KLHL12: variants seen among roughly 807,000 people sequenced by gnomAD.
KLHL12 encodes kelch like family member 12, also known as kelch-like protein 12.
Under a neutral mutation model 60.8 loss-of-function variants are expected in KLHL12, and 17 were observed. The observed-to-expected ratio is 0.28, with a 90% CI of 0.19 to 0.42. The LOEUF (loss-of-function observed/expected upper bound fraction) is 0.42, where lower values mean the gene tolerates loss of function less well. Among genes scored for constraint, KLHL12 ranks in the 10% least tolerant of loss-of-function variants. The pLI is 1.00. For synonymous variants in KLHL12, 220 were observed against 250.9 expected, an observed-to-expected ratio of 0.88 and a Z score of 1.16; for missense variants, 468 against 722.3, an observed-to-expected ratio of 0.65 and a Z score of 4.04.
chr1:202,927,277 G>A, upstream of KLHL12: 1 of 975,058 alleles, frequency 1.0e-6, no homozygotes, highest in Non-Finnish European at 1.2e-6. Context: ...TGCAGCTGGA[G>A]CACCGCCCTC....
At chr1:202,928,440 C>T (rs1558005036), upstream of KLHL12, 1 of 1,209,142 alleles carries the variant, frequency 8.3e-7, no homozygotes, top group Non-Finnish European at 1.1e-6. Flanking sequence ...AATTCCAACG[C>T]TTAATATGCC....
In KLHL12 at chr1:202,904,770, C is replaced by A. The variant is rs558538889; in HGVS notation, c.832+4240G>T. On this transcript the variant is annotated intron_variant, in intron 6 of 11. Transcript: ENST00000367261. ...CGTTGTTAGAGAAATAAGGCAGATG[C>A]AGGACTGCTAAAATAACAGGGTTCA... Among the ~76,000 whole-genome samples, 36 of 152,254 alleles carry A rather than the reference C, an allele frequency of 2.4e-4. No individual in the cohort carries two copies. In the South Asian group the frequency reaches 7.3e-3, roughly 31 times the overall value.
At chr1:202,927,002 G>A (rs1653602015) in intron 1 of KLHL12, 87 bp downstream of exon 1, 1 of 934,884 alleles carries the variant, frequency 1.1e-6, no homozygotes, top group Non-Finnish European at 1.3e-6. Context: ...GCCTTGCAGG[G>A]AGACCAAGGA....
intron 6 of KLHL12, among the ~76,000 whole-genome samples, chr1:202,905,451 C>G (rs1660151980): frequency 6.6e-6 from 1 of 152,168 alleles, no homozygotes; most frequent in Non-Finnish European, 1.5e-5. Flanking sequence ...AGTTAAAGGA[C>G]TTGTCCAAAC....
At chr1:202,903,041 G>A (rs1332615932) in intron 6 of KLHL12, among the ~76,000 whole-genome samples, 1 of 151,144 alleles carries the variant, frequency 6.6e-6, no homozygotes, top group African/African-American at 2.4e-5. Context: ...TACGCCTGTA[G>A]TCCCAGCTAC....
chr1:202,894,999 C>T (rs918656584), intron 8 of KLHL12, among the ~76,000 whole-genome samples: 1 of 152,192 alleles, frequency 6.6e-6, no homozygotes, highest in African/African-American at 2.4e-5. Context: ...GTTCCCCACC[C>T]AGCACATTGG....
chr1:202,905,968 C>CTTTTTTTTTTTTTTTTTT (rs71142574), intron 6 of KLHL12, among the ~76,000 whole-genome samples: 17 of 51,670 alleles, frequency 3.3e-4, no homozygotes, highest in Admixed American at 6.3e-4. Context: ...CCACACCTGG[C>CTTTTTTTTTTTTTTTTTT]TTTTTTTTTT....
At chr1:202,912,393 A>C (rs543223976) in intron 4 of KLHL12, 1 of 807,448 alleles carries the variant, frequency 1.2e-6, no homozygotes, top group Non-Finnish European at 2.2e-6. Context: ...ATCCAGCCAA[A>C]GAAGTCGAAG....
intron 2 of KLHL12, 134 bp from the exon 3 acceptor site, chr1:202,920,042 GGT>G (rs2102453762): frequency 2.5e-6 from 2 of 799,540 alleles, no homozygotes; most frequent in Non-Finnish European, 3.9e-6. Context: ...GGCCAGGCGT[GGT>G]GGCTCATGCC....
chr1:202,901,253 T>C (rs888826490), intron 6 of KLHL12, among the ~76,000 whole-genome samples: 1 of 152,116 alleles, frequency 6.6e-6, no homozygotes, highest in Non-Finnish European at 1.5e-5. Flanking sequence ...GTTGGTGTGA[T>C]GTATAAAGGA....
Position 202,900,589 on chromosome 1 carries a change from C to T in KLHL12, c.833-3629G>A, listed in dbSNP as rs868529864. ...GTAACATAAAATAAAGAAGGCTGGGCGTGGTGGCTCACGCCTGTAATCACA... is the reference window on the plus strand; with the variant it reads ...GTAACATAAAATAAAGAAGGCTGGGTGTGGTGGCTCACGCCTGTAATCACA... On this transcript the variant is annotated intron_variant, in intron 6 of 11. Transcript: ENST00000367261. 3.3e-5 allele frequency among the ~76,000 whole-genome samples: 5 copies of T among 151,792 alleles called. No individual in the cohort carries two copies. In the South Asian group the frequency reaches 8.3e-4, roughly 25 times the overall value.
chr1:202,918,477 T>C (rs958151656), intron 3 of KLHL12, 89 bp from the exon 4 acceptor site: 1 of 952,430 alleles, frequency 1.0e-6, no homozygotes, highest in South Asian at 1.5e-5. Flanking sequence ...CTTCTCTACA[T>C]GTTATCAGAT....
chr1:202,914,424 G>T (rs1023097611), intron 4 of KLHL12, among the ~76,000 whole-genome samples: 1 of 152,154 alleles, frequency 6.6e-6, no homozygotes, highest in Non-Finnish European at 1.5e-5. Context: ...AGATGTCCTT[G>T]ATCTTAACTT....
At chr1:202,916,303 C>G in intron 4 of KLHL12, among the ~76,000 whole-genome samples, 1 of 152,210 alleles carries the variant, frequency 6.6e-6, no homozygotes, top group African/African-American at 2.4e-5. Context: ...ATCCATTTTC[C>G]CTCAGAACAG....
At chr1:202,903,171 A>C (rs926427348) in intron 6 of KLHL12, among the ~76,000 whole-genome samples, 2 of 150,016 alleles carry the variant, frequency 1.3e-5, no homozygotes, top group African/African-American at 5.0e-5. Flanking sequence ...AAAAAAAAAA[A>C]AAAAAAAAAA....
At chr1:202,913,677 G>C (rs962062179) in intron 4 of KLHL12, among the ~76,000 whole-genome samples, 2 of 152,178 alleles carry the variant, frequency 1.3e-5, no homozygotes, top group Non-Finnish European at 2.9e-5. Flanking sequence ...GTTTAGACTG[G>C]TGAGGCAAGG....
intron 4 of KLHL12, among the ~76,000 whole-genome samples, chr1:202,914,656 A>C (rs1323119580): frequency 1.3e-5 from 2 of 152,228 alleles, no homozygotes; most frequent in African/African-American, 2.4e-5. Flanking sequence ...TCACGAGGTC[A>C]GGAGTTTGAG....
intron 4 of KLHL12, among the ~76,000 whole-genome samples, chr1:202,911,418 A>G (rs937278296): frequency 4.2e-5 from 4 of 96,322 alleles, no homozygotes; most frequent in Non-Finnish European, 1.0e-4. Context: ...GTTAAAAAAA[A>G]AATATATATA....
At chr1:202,919,720 T>C (rs1215552599) in intron 3 of KLHL12, 35 bp downstream of exon 3, 9 of 1,568,828 alleles carry the variant, frequency 5.7e-6, no homozygotes, top group African/African-American at 4.1e-5. Flanking sequence ...CAGGGCTATT[T>C]TGACATAAAC....
Sources: gnomAD v4.1 joint callset for allele counts (sites outside exome capture counted in the v4.1 genomes callset) on GRCh38, gnomAD v4.1.1 for gene constraint, MANE v1.5 for transcripts, NCBI Gene and HGNC (gene_info 2026-07-23, HGNC 2026-07-21) for gene names.